Variants in ST18 observed in about 807,000 individuals in gnomAD.
ST18 encodes the protein ST18 C2H2C-type zinc finger transcription factor, also known as suppression of tumorigenicity 18 protein.
In ST18, 50 loss-of-function variants were observed where a neutral mutation model predicts 110.0. The observed-to-expected ratio is 0.45, with a 90% CI of 0.36 to 0.58. The LOEUF (loss-of-function observed/expected upper bound fraction) is 0.58. ST18 is among the 20% of genes least tolerant of loss of function. ST18 has a pLI of 0.00. For synonymous variants in ST18, 461 were observed against 452.4 expected, an observed-to-expected ratio of 1.02 and a Z score of -0.24; for missense variants, 1,306 against 1,280.1, an observed-to-expected ratio of 1.02 and a Z score of -0.31.
intron 22 of ST18, among the ~76,000 whole-genome samples, chr8:52,130,714 C>T (rs2049235745): frequency 6.6e-6 from 1 of 152,194 alleles, no homozygotes; most frequent in Admixed American, 6.5e-5. Context: ...TCTGTTGCTC[C>T]ATATCCTCAC....
intron 2 of ST18, among the ~76,000 whole-genome samples, chr8:52,248,760 A>C (rs1288446703): frequency 6.6e-6 from 1 of 152,194 alleles, no homozygotes; most frequent in East Asian, 1.9e-4. Context: ...ACAGATTCAC[A>C]GTAATGATTC....
intron 2 of ST18, among the ~76,000 whole-genome samples, chr8:52,258,257 A>G (rs1275581354): frequency 2.0e-5 from 3 of 152,094 alleles, no homozygotes; most frequent in African/African-American, 7.2e-5. Context: ...TTTGACTATT[A>G]TGGGTCCAGT....
At chr8:52,335,912 A>G (rs1332993208) in intron 2 of ST18, among the ~76,000 whole-genome samples, 1 of 152,108 alleles carries the variant, frequency 6.6e-6, no homozygotes, top group Non-Finnish European at 1.5e-5. Flanking sequence ...GTGCTGTTAG[A>G]ATAGAAGCAA....
At position 52,379,457 on chromosome 8, in the gene ST18, G is replaced by A. The variant is rs77717682; in HGVS notation, c.-465+29871C>T. Reference sequence around the variant, plus strand: ...TATAGGTAACTATTTCCTATGCACCGTGAAGTACAGTTGACCTTTGAACAA... The same window carrying A: ...TATAGGTAACTATTTCCTATGCACCATGAAGTACAGTTGACCTTTGAACAA... On this transcript the variant is annotated intron_variant, in intron 2 of 25. Coordinates refer to ENST00000689386, the MANE Select transcript of ST18 (RefSeq NM_001352837.2). Among the ~76,000 whole-genome samples the A allele has an allele frequency of 6.8e-3, 1,037 of 152,030 alleles. 15 individuals carry two copies. Among genetic ancestry groups the A allele is most frequent in the African/African-American group, 0.024 (979 of 41,458 alleles).
chr8:52,351,136 A>AT (rs1213924838), intron 2 of ST18, among the ~76,000 whole-genome samples: 1 of 152,170 alleles, frequency 6.6e-6, no homozygotes, highest in South Asian at 2.1e-4. Context: ...ATAAATATCA[A>AT]AATATATTTA....
At chr8:52,376,739 G>A (rs1001322576) in intron 2 of ST18, among the ~76,000 whole-genome samples, 3 of 152,176 alleles carry the variant, frequency 2.0e-5, no homozygotes, top group Non-Finnish European at 4.4e-5. Context: ...AGCCACACCT[G>A]TTCTCTAGGG....
At chr8:52,287,043 A>AT (rs1242396275) in intron 2 of ST18, among the ~76,000 whole-genome samples, 1 of 152,190 alleles carries the variant, frequency 6.6e-6, no homozygotes, top group African/African-American at 2.4e-5. Flanking sequence ...CAGGTTACAG[A>AT]TTTTTTATAC....
chr8:52,259,335 T>C (rs1055957979), intron 2 of ST18, among the ~76,000 whole-genome samples: 2 of 152,180 alleles, frequency 1.3e-5, no homozygotes, highest in Non-Finnish European at 2.9e-5. Flanking sequence ...ACACCTAAAT[T>C]CCATCTGTTG....
chr8:52,351,239 G>A (rs999043740), intron 2 of ST18, among the ~76,000 whole-genome samples: 2 of 152,152 alleles, frequency 1.3e-5, no homozygotes, highest in Admixed American at 1.3e-4. Context: ...ATCAGCATCT[G>A]ATGAGATGAG....
intron 2 of ST18, among the ~76,000 whole-genome samples, chr8:52,399,824 T>C (rs1397032149): frequency 6.6e-6 from 1 of 152,092 alleles, no homozygotes; most frequent in African/African-American, 2.4e-5. Context: ...TCTATGGGAC[T>C]GACATAGGGG....
At chr8:52,146,493 G>A (rs927253272) in intron 16 of ST18, among the ~76,000 whole-genome samples, 1 of 149,258 alleles carries the variant, frequency 6.7e-6, no homozygotes, top group Non-Finnish European at 1.5e-5. Flanking sequence ...CTTTGTTGTA[G>A]GGAATTCCAG....
At chr8:52,275,218 A>G (rs534456872) in intron 2 of ST18, among the ~76,000 whole-genome samples, 77 of 152,316 alleles carry the variant, frequency 5.1e-4, no homozygotes, top group Middle Eastern at 3.4e-3. Flanking sequence ...AACCTTAACT[A>G]TTGAACCCAG....
At chr8:52,121,016 G>C (rs938511205) in intron 23 of ST18, among the ~76,000 whole-genome samples, 1 of 152,182 alleles carries the variant, frequency 6.6e-6, no homozygotes, top group African/African-American at 2.4e-5. Flanking sequence ...CTGTCTCTGT[G>C]ATGAGGCAGA....
At chr8:52,140,547 T>TGATAGATA (rs56988793) in intron 17 of ST18, among the ~76,000 whole-genome samples, 56 of 147,468 alleles carry the variant, frequency 3.8e-4, no homozygotes, top group African/African-American at 7.0e-4. Context: ...AGATGATAGA[T>TGATAGATA]GATAGATAGA....
chr8:52,346,010 A>C (rs1175187083), intron 2 of ST18, among the ~76,000 whole-genome samples: 1 of 152,116 alleles, frequency 6.6e-6, no homozygotes, highest in Admixed American at 6.5e-5. Flanking sequence ...GAGAAAGATC[A>C]AATATATCAA....
intron 2 of ST18, among the ~76,000 whole-genome samples, chr8:52,306,861 G>A (rs919656358): frequency 1.4e-4 from 21 of 152,270 alleles, no homozygotes; most frequent in African/African-American, 4.1e-4. Flanking sequence ...AAGAACCACA[G>A]TAACTTTTGC....
At position 52,180,126 on chromosome 8, in the gene ST18, G is replaced by T. The variant is rs137908806; in HGVS notation, c.273C>A (p.Thr91=). 3.7e-6 allele frequency: 6 copies of T among 1,613,920 alleles called. No individual in the cohort carries two copies. The highest frequency in any genetic ancestry group is 5.1e-6 in the Non-Finnish European group (6 of 1,179,998). The part of the protein sequence containing the change: ...DGPLETHGHS[T]AEEIMIKPMD... Reference sequence around the variant, plus strand: ...TTGGGCTCTCCTCCTTGCTACCTGCGGTAGAGTGACCATGTGTTTCCAAGG... The same window carrying T: ...TTGGGCTCTCCTCCTTGCTACCTGCTGTAGAGTGACCATGTGTTTCCAAGG... The change falls in exon 9 of 26, where the codon ACC becomes ACA. Residue 91 remains threonine, a synonymous_variant. Transcript: ENST00000689386.
chr8:52,351,274 T>C (rs1415377075), intron 2 of ST18, among the ~76,000 whole-genome samples: 1 of 152,226 alleles, frequency 6.6e-6, no homozygotes, highest in Non-Finnish European at 1.5e-5. Context: ...CTGTTTCAAG[T>C]GACACTTCCT....
chr8:52,291,865 C>T (rs906209220), intron 2 of ST18, among the ~76,000 whole-genome samples: 20 of 152,240 alleles, frequency 1.3e-4, no homozygotes, highest in Middle Eastern at 3.4e-3. Context: ...GCCTCGACCT[C>T]CTCGGCTCAA....
Sources: gnomAD v4.1 joint callset for allele counts (sites outside exome capture counted in the v4.1 genomes callset) on GRCh38, gnomAD v4.1.1 for gene constraint, MANE v1.5 for transcripts, NCBI Gene and HGNC (gene_info 2026-07-23, HGNC 2026-07-21) for gene names.